Variants in SSH2 observed in about 807,000 individuals in gnomAD.
SSH2 encodes the protein protein phosphatase Slingshot homolog 2.
A neutral mutation model predicts 135.2 loss-of-function variants in SSH2; 37 were observed. The observed-to-expected ratio is 0.27, with a 90% CI of 0.21 to 0.36. The LOEUF (loss-of-function observed/expected upper bound fraction) is 0.36. Ranked by LOEUF, SSH2 falls within the 10% of genes least tolerant of loss-of-function variation. The pLI is 1.00. For missense variants in SSH2, 1,408 were observed against 1,765.3 expected, an observed-to-expected ratio of 0.80 and a Z score of 3.63; for synonymous variants, 628 against 646.2, an observed-to-expected ratio of 0.97 and a Z score of 0.43.
chr17:29,676,810 G>C lies in SSH2; in HGVS notation c.614+10C>G, dbSNP rs538121135. The C allele has an allele frequency of 6.2e-7, 1 of 1,608,678 alleles. No homozygotes were observed. The highest frequency in any genetic ancestry group is 8.5e-7 in the Non-Finnish European group (1 of 1,175,340). On this transcript the variant is annotated intron_variant, in intron 8 of 15. Transcript: ENST00000540801. ...AAACACTTTTGTAGAGATAGTAAAA[G>C]TCATCTTACCACATTGCCTGCACAG...
At chr17:29,920,966 C>A (rs2151485767) in intron 1 of SSH2, among the ~76,000 whole-genome samples, 1 of 151,726 alleles carries the variant, frequency 6.6e-6, no homozygotes, top group South Asian at 2.1e-4. Context: ...ACTTACACAT[C>A]AATATGAAAA....
At position 29,630,799 on chromosome 17, in the gene SSH2, T is replaced by C. The variant is rs2035630775; in HGVS notation, c.*42A>G. ...CCTTACATATTACACCTGCCCCTTT[T>C]ACAAACATTTCTTCTAGAAAGTCAC... On this transcript the variant is annotated 3_prime_UTR_variant, in exon 16 of 16. Coordinates refer to ENST00000540801, the MANE Select transcript of SSH2 (RefSeq NM_001282129.2). 1 of 1,506,532 alleles carries C rather than the reference T, an allele frequency of 6.6e-7. No individual in the cohort carries two copies. 93.3% of individuals were successfully genotyped at this position (1,506,532 alleles called of 1,614,324 possible).
rs1338645405 is a variant in SSH2 at position 29,751,187 on chromosome 17, G to A, written c.188+42707C>T. The stretch of plus-strand genomic sequence containing the variant: ...TCCCAGCACTCTGGGAGGCCGAGGC[G>A]GGTGGATCACCTGAGGTCCAGAGTT... On this transcript the variant is annotated intron_variant, in intron 3 of 15. Coordinates refer to ENST00000540801, the MANE Select transcript of SSH2 (RefSeq NM_001282129.2). Among the ~76,000 whole-genome samples, 8 of 152,146 alleles carry A rather than the reference G, an allele frequency of 5.3e-5. No individual in the cohort carries two copies. The South Asian group carries it at 6.2e-4, about 12-fold the overall frequency.
chr17:29,680,041 A>G (rs968947387), intron 6 of SSH2, among the ~76,000 whole-genome samples: 1 of 152,242 alleles, frequency 6.6e-6, no homozygotes, highest in Non-Finnish European at 1.5e-5. Flanking sequence ...TACTTAAAAT[A>G]AAACAATATA....
At chr17:29,882,089 T>C (rs1390046989) in intron 1 of SSH2, among the ~76,000 whole-genome samples, 1 of 152,248 alleles carries the variant, frequency 6.6e-6, no homozygotes, top group South Asian at 2.1e-4. Context: ...TGTCCTATTA[T>C]ACAATGCCAG....
rs926269400 is a variant in SSH2, at chr17:29,907,820, T to A, written c.63+22118A>T. Among the ~76,000 whole-genome samples the A allele has an allele frequency of 2.2e-4, 12 of 54,712 alleles. No homozygotes were observed. The Admixed American group carries it at 2.8e-3, about 13-fold the overall frequency. The allele number at this position is 54,712 out of a possible 152,430, so 35.9% of individuals were successfully genotyped here. On this transcript the variant is annotated intron_variant, in intron 1 of 15. Transcript: ENST00000540801. ...AAATGCATCAACCCTGACAAAACCT[T>A]TTTTTTTTTTTTTTTTGAGACAGGA...
chr17:29,646,986 T>C (rs1022012796), intron 14 of SSH2, among the ~76,000 whole-genome samples: 2 of 148,038 alleles, frequency 1.4e-5, no homozygotes, highest in African/African-American at 5.0e-5. Flanking sequence ...TTTTAAAGAG[T>C]CGGCCAGGCT....
At chr17:29,702,654 C>CA (rs1186404442) in intron 4 of SSH2, among the ~76,000 whole-genome samples, 4 of 152,032 alleles carry the variant, frequency 2.6e-5, no homozygotes, top group Non-Finnish European at 4.4e-5. Context: ...AACTCCATCT[C>CA]AAAAAAACAA....
chr17:29,848,103 A>C (rs1170726789), intron 2 of SSH2, among the ~76,000 whole-genome samples: 1 of 152,184 alleles, frequency 6.6e-6, no homozygotes, highest in Admixed American at 6.5e-5. Flanking sequence ...TCCTGGGCTA[A>C]GCCCCAGTTT....
chr17:29,634,997 G>C (rs1455164649), intron 15 of SSH2, among the ~76,000 whole-genome samples: 1 of 151,946 alleles, frequency 6.6e-6, no homozygotes, highest in Non-Finnish European at 1.5e-5. Context: ...CTGTCTCCTA[G>C]GTTCAAGTGA....
chr17:29,684,192 G>T (rs1457094890), intron 6 of SSH2, among the ~76,000 whole-genome samples: 6 of 151,990 alleles, frequency 3.9e-5, no homozygotes. Context: ...GTGATAAAAG[G>T]CAACTGGGGC....
At chr17:29,710,381 C>T (rs144304119) in intron 3 of SSH2, among the ~76,000 whole-genome samples, 22 of 152,266 alleles carry the variant, frequency 1.4e-4, no homozygotes, top group African/African-American at 4.8e-4. Flanking sequence ...TGTGTAATAA[C>T]GACTGCATGC....
In SSH2 at chr17:29,672,026, T is replaced by C. The variant is rs763434665; in HGVS notation, c.718A>G (p.Ile240Val). The C allele has an allele frequency of 3.7e-6, 6 of 1,614,084 alleles. No individual in the cohort carries two copies. The African/African-American group carries it at 5.3e-5, about 14-fold the overall frequency. ...TTGACTGAGGATTGATCTGAGTTGA[T>C]ATGGCTCTCATAATAACTCACCCAA... is the stretch of plus-strand genomic sequence containing the variant. ...LTWVSYYESHINSDQSSVNEW... is the reference protein window; with the variant it reads ...LTWVSYYESHVNSDQSSVNEW... Residue 240 changes from isoleucine to valine, a missense_variant, in exon 9 of 16, where the codon ATC becomes GTC. By Grantham distance (29) the Ile-to-Val change is conservative (BLOSUM62 3). Around this residue, in one of 3 missense-constraint regions of SSH2, gnomAD observed 222 missense variants for 355.6 expected, o/e 0.62. Coordinates refer to ENST00000540801, the MANE Select transcript of SSH2 (RefSeq NM_001282129.2).
intron 5 of SSH2, among the ~76,000 whole-genome samples, chr17:29,689,865 T>C (rs1425095540): frequency 6.6e-6 from 1 of 151,786 alleles, no homozygotes; most frequent in Non-Finnish European, 1.5e-5. Context: ...AATACAAAAA[T>C]TAGCAGGGCA....
intron 3 of SSH2, among the ~76,000 whole-genome samples, chr17:29,745,989 T>C (rs74775989): frequency 0.062 from 9,366 of 152,138 alleles, 566 homozygotes; most frequent in African/African-American, 0.16. Flanking sequence ...CAATAAATCT[T>C]TTAAGAGTTT....
chr17:29,907,906 G>C (rs1232080519), intron 1 of SSH2, among the ~76,000 whole-genome samples: 1 of 146,082 alleles, frequency 6.8e-6, no homozygotes, highest in Non-Finnish European at 1.5e-5. Flanking sequence ...CTGCAGCCTT[G>C]ACCTCCTGGG....
intron 3 of SSH2, among the ~76,000 whole-genome samples, chr17:29,745,157 C>T (rs1405210492): frequency 6.6e-6 from 1 of 151,454 alleles, no homozygotes; most frequent in South Asian, 2.1e-4. Flanking sequence ...ATTTTCTTTT[C>T]GTTTTTCTTT....
intron 1 of SSH2, among the ~76,000 whole-genome samples, chr17:29,897,268 T>G (rs2066463355): frequency 6.6e-6 from 1 of 152,064 alleles, no homozygotes; most frequent in African/African-American, 2.4e-5. Flanking sequence ...CAGGATCAAA[T>G]TTACACATAA....
At chr17:29,808,856 T>A (rs1213136955) in intron 2 of SSH2, among the ~76,000 whole-genome samples, 3 of 152,172 alleles carry the variant, frequency 2.0e-5, no homozygotes, top group African/African-American at 7.2e-5. Context: ...TGATAACAAC[T>A]AAATAAAAAG....
Sources: allele counts gnomAD v4.1 joint callset (sites outside exome capture counted in the v4.1 genomes callset), GRCh38; gene constraint gnomAD v4.1.1; regional missense constraint gnomAD v4.1.1; transcripts MANE v1.5; gene names NCBI Gene and HGNC (gene_info 2026-07-23, HGNC 2026-07-21).